Variants in NPEPL1 observed in about 807,000 individuals in gnomAD.
The protein encoded by NPEPL1 is aminopeptidase like 1, also known as probable aminopeptidase NPEPL1.
A neutral mutation model predicts 52.4 loss-of-function variants in NPEPL1; 45 were observed. That is an observed-to-expected ratio of 0.86 (90% CI 0.68 to 1.10). NPEPL1 has a LOEUF of 1.10. Among genes scored for constraint, NPEPL1 ranks in the 50% least tolerant of loss-of-function variants. The pLI is 0.00. For missense variants in NPEPL1, 696 were observed against 710.9 expected (o/e 0.98, Z 0.24); for synonymous variants, 360 against 314.7 (o/e 1.14, Z -1.52).
At chr20:58,697,039 C>T (rs1407432180) in intron 3 of NPEPL1, among the ~76,000 whole-genome samples, 2 of 152,254 alleles carry the variant, frequency 1.3e-5, no homozygotes, top group South Asian at 4.1e-4. Context: ...CCTGTCCCCT[C>T]TGCATCCTGT....
chr20:58,695,132 AGTGGTGTGTGTGT>A (rs1182175422), intron 3 of NPEPL1, among the ~76,000 whole-genome samples: 14 of 91,980 alleles, frequency 1.5e-4, no homozygotes, highest in African/African-American at 6.1e-4. Context: ...TGTGTGCATG[AGTGGTGTGTGTGT>A]GTGGTGTGCA....
intron 6 of NPEPL1, among the ~76,000 whole-genome samples, chr20:58,703,184 A>G (rs2084669046): frequency 1.3e-5 from 2 of 152,218 alleles, no homozygotes; most frequent in Non-Finnish European, 2.9e-5. Context: ...GTGTCGGGTC[A>G]TTGCTAACGT....
intron 6 of NPEPL1, 120 bp from the exon 7 acceptor site, chr20:58,707,003 C>T: frequency 1.9e-6 from 2 of 1,044,658 alleles, no homozygotes; most frequent in Non-Finnish European, 2.9e-6. Flanking sequence ...GGGGGCTGCC[C>T]AGGCCTGAGA....
chr20:58,689,591 A>G (rs1245933114), upstream of NPEPL1, among the ~76,000 whole-genome samples: 1 of 152,162 alleles, frequency 6.6e-6, no homozygotes, highest in Non-Finnish European at 1.5e-5. Flanking sequence ...GCCAGAATGA[A>G]CCATGTCCTT....
At chr20:58,706,984 G>T in intron 6 of NPEPL1, 139 bp from the exon 7 acceptor site, 1 of 835,422 alleles carries the variant, frequency 1.2e-6, no homozygotes, top group Non-Finnish European at 2.0e-6. Flanking sequence ...TGCCCAGGAG[G>T]CCTGGTGTGG....
intron 5 of NPEPL1, among the ~76,000 whole-genome samples, chr20:58,700,186 T>A (rs1370748709): frequency 1.3e-5 from 2 of 152,234 alleles, no homozygotes; most frequent in Admixed American, 1.3e-4. Context: ...AACTCCCATC[T>A]TTTTCTGTGA....
At chr20:58,705,918 A>G (rs6015343) in intron 6 of NPEPL1, among the ~76,000 whole-genome samples, 7 of 152,364 alleles carry the variant, frequency 4.6e-5, no homozygotes, top group East Asian at 1.9e-4. Flanking sequence ...CAGTAGTACA[A>G]GATGGGTCAT....
chr20:58,703,867 C>A lies in NPEPL1; in HGVS notation c.822+2709C>A, dbSNP rs1422360818. The A allele has an allele frequency of 9.1e-6, 9 of 985,248 alleles. No individual in the cohort carries two copies. In the East Asian group the frequency reaches 7.9e-4, roughly 87 times the overall value. The allele number at this position is 985,248 out of a possible 1,614,324, so 61.0% of individuals were successfully genotyped here. ...GGCATTTTCCATGGCTCCAGATCAC[C>A]TTCTGAAAATGCGACTATAGCCCCT... is the stretch of plus-strand genomic sequence containing the variant. On this transcript the variant is annotated intron_variant, in intron 6 of 11. Transcript: ENST00000356091.
intron 6 of NPEPL1, among the ~76,000 whole-genome samples, chr20:58,703,182 T>C (rs543039697): frequency 1.4e-4 from 21 of 152,298 alleles, no homozygotes; most frequent in Admixed American, 1.0e-3. Context: ...TTGTGTCGGG[T>C]CATTGCTAAC....
At chr20:58,692,782 G>A, upstream of NPEPL1, 1 of 968,252 alleles carries the variant, frequency 1.0e-6, no homozygotes, top group Non-Finnish European at 1.2e-6. The surrounding 1 kb of genome is among the most constrained non-coding windows in gnomAD (Gnocchi z 5.7). Context: ...GGGAGGCGGG[G>A]CCCGCGGGCT....
In NPEPL1 at chr20:58,713,946, G is replaced by C. The variant is rs141269167; in HGVS notation, c.1155G>C (p.Ala385=). 9 of 1,507,608 alleles carry C rather than the reference G, an allele frequency of 6.0e-6. No individual in the cohort carries two copies. In the African/African-American group the frequency reaches 9.9e-5, roughly 17 times the overall value. The allele number at this position is 1,507,608 out of a possible 1,614,324, so 93.4% of individuals were successfully genotyped here. A position where few individuals can be genotyped will look rare whatever the true frequency, so the allele number is the denominator to read the frequency against. ...QGIATGKYHA[A]VLTNSAEWEA... ...TTGCCACAGGGAAGTACCACGCCGC[G>C]GTGCTCACCAACAGCGCTGAGTGGG... Residue 385 remains alanine (A), a synonymous_variant, in exon 10 of 12, where the codon GCG becomes GCC. Transcript: ENST00000356091. This position sits in a 1 kb window ranked among gnomAD's most constrained non-coding sequence, Gnocchi z 4.6.
At chr20:58,689,383 C>T (rs1458233214), upstream of NPEPL1, among the ~76,000 whole-genome samples, 2 of 152,124 alleles carry the variant, frequency 1.3e-5, no homozygotes, top group Admixed American at 6.5e-5. Flanking sequence ...GCCTCAGCCT[C>T]CCGAGTAGCT....
upstream of NPEPL1, chr20:58,691,893 T>C (rs2084356219): frequency 4.8e-6 from 5 of 1,037,920 alleles, no homozygotes; most frequent in Non-Finnish European, 7.4e-6. Flanking sequence ...CGTCATTCCC[T>C]GACCCTTGCA....
At chr20:58,695,792 CT>C (rs1165748130) in intron 3 of NPEPL1, among the ~76,000 whole-genome samples, 1 of 152,184 alleles carries the variant, frequency 6.6e-6, no homozygotes, top group Non-Finnish European at 1.5e-5. Context: ...ACTGGTTTGC[CT>C]TGCTTAATCC....
chr20:58,712,175 C>T (rs138914137), intron 7 of NPEPL1, among the ~76,000 whole-genome samples: 6 of 152,264 alleles, frequency 3.9e-5, no homozygotes, highest in Admixed American at 6.5e-5. Flanking sequence ...CACAGGTTGG[C>T]GAGGCTTCAT....
Position 58,714,438 on chromosome 20 carries a change from A to G in NPEPL1, c.1303-122A>G, listed in dbSNP as rs1005693178. Reference sequence around the variant, plus strand: ...CCAGCCCAGCTTCTGCTGCCTCCCCACACGCTCCCTCCCAGCCACCCCGAG... The same window carrying G: ...CCAGCCCAGCTTCTGCTGCCTCCCCGCACGCTCCCTCCCAGCCACCCCGAG... On this transcript the variant is annotated intron_variant, in intron 10 of 11. Transcript: ENST00000356091. 77 of 703,490 alleles carry G rather than the reference A, an allele frequency of 1.1e-4. 1 individual carries two copies. The Middle Eastern group carries it at 2.3e-3, about 21-fold the overall frequency. The allele number at this position is 703,490 out of a possible 1,614,324, so 43.6% of individuals were successfully genotyped here.
intron 3 of NPEPL1, among the ~76,000 whole-genome samples, chr20:58,695,160 TGGTGTGTGC>T (rs2084453639): frequency 1.2e-5 from 1 of 82,878 alleles, no homozygotes; most frequent in Non-Finnish European, 2.5e-5. Context: ...TGTGCATGTG[TGGTGTGTGC>T]ATGTGTGGTG....
rs116394388 is a variant in NPEPL1, at chr20:58,714,680, T to C, written c.1413+10T>C. The C allele has an allele frequency of 2.0e-3, 3,185 of 1,570,644 alleles. 62 individuals carry two copies. In the African/African-American group the frequency reaches 0.038, roughly 19 times the overall value. On this transcript the variant is annotated intron_variant, in intron 11 of 11. Coordinates refer to ENST00000356091, the MANE Select transcript of NPEPL1 (RefSeq NM_024663.4). ...TGCACCGGTGCATGCTGTGAGTGTC[T>C]CCCCTCCCCACTGGCCCTGGCTGCT...
intron 8 of NPEPL1, 183 bp downstream of exon 8, chr20:58,712,762 G>T: frequency 1.5e-6 from 1 of 687,216 alleles, no homozygotes; most frequent in Non-Finnish European, 2.7e-6. Flanking sequence ...TCACGTTGAG[G>T]GGCCCATGGC....
Sources: gnomAD v4.1 joint callset for allele counts (sites outside exome capture counted in the v4.1 genomes callset) on GRCh38, gnomAD v4.1.1 for gene constraint, Gnocchi (gnomAD v3.1) non-coding constraint, MANE v1.5 for transcripts, NCBI Gene and HGNC (gene_info 2026-07-23, HGNC 2026-07-21) for gene names.